The following MGAT5 variants were observed in gnomAD, a reference collection of about 807,000 sequenced individuals.
The protein encoded by MGAT5 is alpha-1,6-mannosylglycoprotein 6-beta-N-acetylglucosaminyltransferase A.
Under a neutral mutation model 94.3 loss-of-function variants are expected in MGAT5, and 30 were observed. The ratio of observed to expected loss-of-function variants is 0.32; its 90% CI spans 0.24 to 0.43. The LOEUF is 0.43. Among genes scored for constraint, MGAT5 ranks in the 20% least tolerant of loss-of-function variants. The probability of loss-of-function intolerance (pLI) is 1.00; values close to 1 mark genes in which losing one functional copy is unlikely to be tolerated. For synonymous variants in MGAT5, 310 were observed against 322.9 expected (o/e 0.96, Z 0.43); for missense variants, 691 against 905.5 (o/e 0.76, Z 3.04).
At chr2:134,313,571 G>C (rs971328356) in intron 2 of MGAT5, among the ~76,000 whole-genome samples, 3 of 152,102 alleles carry the variant, frequency 2.0e-5, no homozygotes, top group Admixed American at 2.0e-4. Context: ...GAGCTTCATT[G>C]CTTACACTTA....
intron 2 of MGAT5, among the ~76,000 whole-genome samples, chr2:134,305,474 C>T (rs1466938668): frequency 6.6e-6 from 1 of 152,164 alleles, no homozygotes; most frequent in Non-Finnish European, 1.5e-5. Context: ...ATATAGCTAG[C>T]CTTCTCTCAG....
chr2:134,245,529 A>T (rs1463302811), intron 1 of MGAT5, among the ~76,000 whole-genome samples: 2 of 152,114 alleles, frequency 1.3e-5, no homozygotes, highest in Admixed American at 1.3e-4. Context: ...TAAAATCATC[A>T]AATGTTGGTT....
chr2:134,142,742 A>G (rs561327478), intron 1 of MGAT5, among the ~76,000 whole-genome samples: 1 of 152,220 alleles, frequency 6.6e-6, no homozygotes, highest in South Asian at 2.1e-4. Flanking sequence ...AATGTCAGGG[A>G]AGTGTTTGTT....
At chr2:134,194,500 TAGTC>T (rs1679400554) in intron 1 of MGAT5, among the ~76,000 whole-genome samples, 2 of 152,340 alleles carry the variant, frequency 1.3e-5, no homozygotes, top group African/African-American at 2.4e-5. Context: ...GTCTACTTAT[TAGTC>T]AGTATCTTGA....
At chr2:134,215,641 C>A (rs987569157) in intron 1 of MGAT5, among the ~76,000 whole-genome samples, 1 of 152,204 alleles carries the variant, frequency 6.6e-6, no homozygotes, top group Non-Finnish European at 1.5e-5. Flanking sequence ...GGCTCCATGA[C>A]CCAAACACAT....
chr2:134,404,060 T>C (rs12997281), intron 11 of MGAT5, among the ~76,000 whole-genome samples: 81,222 of 152,070 alleles, frequency 0.53, 22,743 homozygotes, highest in Non-Finnish European at 0.62. Flanking sequence ...TTCAGTGTAT[T>C]AGATAAACTC....
intron 2 of MGAT5, among the ~76,000 whole-genome samples, chr2:134,275,289 T>G (rs576010751): frequency 1.3e-5 from 2 of 152,376 alleles, no homozygotes; most frequent in South Asian, 4.1e-4. Flanking sequence ...TGTCACTTTC[T>G]GTTTTGTTAT....
chr2:134,216,336 C>T (rs978774948), intron 1 of MGAT5, among the ~76,000 whole-genome samples: 2 of 152,108 alleles, frequency 1.3e-5, no homozygotes, highest in African/African-American at 2.4e-5. Flanking sequence ...CCTATGAGAC[C>T]GAACTTGATT....
intron 10 of MGAT5, among the ~76,000 whole-genome samples, chr2:134,377,376 A>G (rs1040381519): frequency 3.9e-5 from 6 of 152,164 alleles, no homozygotes; most frequent in Non-Finnish European, 7.4e-5. Flanking sequence ...CAAGAAATAG[A>G]AGCTTCTCCT....
At chr2:134,182,213 G>A (rs376135109) in intron 1 of MGAT5, among the ~76,000 whole-genome samples, 1 of 152,172 alleles carries the variant, frequency 6.6e-6, no homozygotes, top group African/African-American at 2.4e-5. Context: ...ATCATTACAT[G>A]ATTATTAGAA....
At chr2:134,206,374 G>C (rs1680021576) in intron 1 of MGAT5, among the ~76,000 whole-genome samples, 1 of 152,228 alleles carries the variant, frequency 6.6e-6, no homozygotes, top group Non-Finnish European at 1.5e-5. Context: ...GTAGGGGTGA[G>C]CTAGCTCTGT....
intron 1 of MGAT5, among the ~76,000 whole-genome samples, chr2:134,150,513 C>T (rs1687124055): frequency 6.6e-6 from 1 of 152,162 alleles, no homozygotes; most frequent in East Asian, 1.9e-4. Context: ...TCTTCTGACA[C>T]CAGTGCCTGG....
intron 1 of MGAT5, among the ~76,000 whole-genome samples, chr2:134,148,321 A>G (rs1488394712): frequency 3.3e-5 from 5 of 152,140 alleles, no homozygotes; most frequent in Non-Finnish European, 7.3e-5. Flanking sequence ...GAGTTTTAAG[A>G]ATTCTAGCAC....
rs368758515 is a variant in MGAT5, at chr2:134,383,397, T to G, written c.1381-19591T>G. ...AAACAATACACAATTTAATGAACTT[T>G]GTATTTTTCTTATAAAACGCCAAAT... is the stretch of plus-strand genomic sequence containing the variant. On this transcript the variant is annotated intron_variant, in intron 10 of 15. Coordinates refer to ENST00000281923, the MANE Select transcript of MGAT5 (RefSeq NM_002410.5). Among the ~76,000 whole-genome samples, 7 of 152,272 alleles carry G rather than the reference T, an allele frequency of 4.6e-5. No homozygotes were observed. The East Asian group carries it at 9.6e-4, about 21-fold the overall frequency.
At chr2:134,279,576 A>G (rs2105705876) in intron 2 of MGAT5, among the ~76,000 whole-genome samples, 1 of 152,342 alleles carries the variant, frequency 6.6e-6, no homozygotes, top group Middle Eastern at 3.4e-3. Context: ...CCTGTCGGGA[A>G]TAATGTTCCT....
chr2:134,368,439 C>G (rs1680573092), intron 10 of MGAT5, among the ~76,000 whole-genome samples: 1 of 152,216 alleles, frequency 6.6e-6, no homozygotes, highest in Admixed American at 6.5e-5. Context: ...GTCAACCAGT[C>G]TTAACTGAAT....
chr2:134,349,900 A>G lies in MGAT5; in HGVS notation c.1208A>G (p.Lys403Arg), dbSNP rs760674836. 1 of 1,613,576 alleles carries G rather than the reference A, an allele frequency of 6.2e-7. No individual in the cohort carries two copies. Among genetic ancestry groups the G allele is most frequent in the Non-Finnish European group, 8.5e-7 (1 of 1,179,646 alleles). ...QSKGHKTPWG[K>R]WNLNPQQFYT... ...AAAGGCCACAAGACCCCTTGGGGAA[A>G]ATGGAATCTGAACCCTCAGCAGTTT... The change falls in exon 9 of 16, where the codon AAA (lysine) becomes AGA (arginine). Residue 403 changes from lysine (K) to arginine (R), a missense_variant. By Grantham distance (26) the Lys-to-Arg change is conservative. Transcript: ENST00000281923.
At chr2:134,293,297 G>A (rs1685483005) in intron 2 of MGAT5, among the ~76,000 whole-genome samples, 2 of 152,166 alleles carry the variant, frequency 1.3e-5, no homozygotes, top group South Asian at 2.1e-4. Context: ...CACTAGGCTG[G>A]TTACTTGTGC....
chr2:134,351,821 AC>A (rs1176695510), intron 9 of MGAT5, among the ~76,000 whole-genome samples: 1 of 152,142 alleles, frequency 6.6e-6, no homozygotes, highest in African/African-American at 2.4e-5. Context: ...ACTAACATAG[AC>A]CCTTATATAT....
Sources: allele counts gnomAD v4.1 joint callset (sites outside exome capture counted in the v4.1 genomes callset), GRCh38; gene constraint gnomAD v4.1.1; transcripts MANE v1.5; gene names NCBI Gene and HGNC (gene_info 2026-07-23, HGNC 2026-07-21).